SLAMF9: variants seen among roughly 807,000 people sequenced by gnomAD.
SLAMF9 encodes the protein SLAM family member 9.
Under a neutral mutation model 30.4 loss-of-function variants are expected in SLAMF9, and 25 were observed. That is an observed-to-expected ratio of 0.82 (90% CI 0.60 to 1.15). The LOEUF (loss-of-function observed/expected upper bound fraction) is 1.15, where lower values mean the gene tolerates loss of function less well. Ranked by LOEUF, SLAMF9 falls within the 50% of genes most tolerant of loss-of-function variation. The pLI is 0.00. For synonymous variants in SLAMF9, 129 were observed against 127.2 expected (o/e 1.01, Z -0.09); for missense variants, 344 against 346.1 (o/e 0.99, Z 0.05).
chr1:159,964,562 C>T, the SLAMF9 span, among the ~76,000 whole-genome samples: 17 of 152,100 alleles, frequency 1.1e-4, no homozygotes, highest in African/African-American at 3.4e-4. Flanking sequence ...TTAGAATCTA[C>T]GGATCTTGTC....
chr1:159,976,966 GAAA>G, the SLAMF9 span: 15 of 37,528 alleles, frequency 4.0e-4, no homozygotes, highest in Admixed American at 4.7e-3. Flanking sequence ...GAAAGAGAAA[GAAA>G]GAAGGAAAGA....
the SLAMF9 span, among the ~76,000 whole-genome samples, chr1:159,979,929 A>G: frequency 2.6e-5 from 4 of 152,174 alleles, no homozygotes; most frequent in Non-Finnish European, 5.9e-5. Context: ...CTGTACATGA[A>G]GGAACTGGCT....
the SLAMF9 span, among the ~76,000 whole-genome samples, chr1:159,962,409 G>A: frequency 7.9e-5 from 12 of 152,226 alleles, 1 homozygote; most frequent in Non-Finnish European, 8.8e-5. Context: ...TTGGGAGGCC[G>A]AGGTGGGCGG....
At position 159,951,510 on chromosome 1, in the gene SLAMF9, A is replaced by T; in HGVS notation, c.*151T>A. ...TGCAGAGTTGTGGTCACTTAATTTG[A>T]CTTTATTGCCAGCCAGTCTTCCCTC... On this transcript the variant is annotated 3_prime_UTR_variant, in exon 4 of 4. Coordinates refer to ENST00000368093, the MANE Select transcript of SLAMF9 (RefSeq NM_033438.4). 1 of 682,940 alleles carries T rather than the reference A, an allele frequency of 1.5e-6. No individual in the cohort carries two copies. The highest frequency in any genetic ancestry group is 2.4e-6 in the Non-Finnish European group (1 of 409,552). The allele number at this position is 682,940 out of a possible 1,614,324, so 42.3% of individuals were successfully genotyped here.
chr1:159,951,583 G>A lies in SLAMF9; in HGVS notation c.*78C>T, dbSNP rs915299946. ...CCACCCCTGAGCACCTCCTTCCCCTGGAAAGAAGAGAGCTGAGGAAGGATT... is the reference window on the plus strand; with the variant it reads ...CCACCCCTGAGCACCTCCTTCCCCTAGAAAGAAGAGAGCTGAGGAAGGATT... On this transcript the variant is annotated 3_prime_UTR_variant, in exon 4 of 4. Coordinates refer to ENST00000368093, the MANE Select transcript of SLAMF9 (RefSeq NM_033438.4). The A allele has an allele frequency of 3.6e-5, 52 of 1,427,392 alleles. No individual in the cohort carries two copies. The highest frequency in any genetic ancestry group is 4.6e-5 in the Non-Finnish European group (47 of 1,026,102). 88.4% of individuals were successfully genotyped at this position (1,427,392 alleles called of 1,614,324 possible).
chr1:159,951,768 A>G lies in SLAMF9; in HGVS notation c.763T>C (p.Trp255Arg). The G allele has an allele frequency of 6.2e-7, 1 of 1,614,156 alleles. No individual in the cohort carries two copies. The highest frequency in any genetic ancestry group is 1.1e-5 in the South Asian group (1 of 91,084). The change falls in exon 4 of 4, where the codon TGG (tryptophan) becomes CGG (arginine). Residue 255 changes from tryptophan to arginine, a missense_variant. Transcript: ENST00000368093. The stretch of plus-strand genomic sequence containing the variant: ...TGTCTTTTCTGGACTCGGATGACCC[A>G]GAGTCCCATGGCCAGAATTACCAAG... ...LLLVILAMGL[W>R]VIRVQKRHKM...
At chr1:159,965,225 G>A in the SLAMF9 span, among the ~76,000 whole-genome samples, 3 of 152,188 alleles carry the variant, frequency 2.0e-5, no homozygotes, top group Non-Finnish European at 2.9e-5. Flanking sequence ...ACAACAAACA[G>A]ATCTGTACCG....
At chr1:159,970,102 A>G in the SLAMF9 span, among the ~76,000 whole-genome samples, 3 of 152,236 alleles carry the variant, frequency 2.0e-5, no homozygotes, top group Non-Finnish European at 4.4e-5. Flanking sequence ...AATAGTATTT[A>G]TCACCTTTGG....
At chr1:159,973,774 C>T in the SLAMF9 span, 5 of 1,612,580 alleles carry the variant, frequency 3.1e-6, no homozygotes, top group Non-Finnish European at 4.2e-6. Flanking sequence ...TCCTGCCCCA[C>T]AAACTCCCAA....
the SLAMF9 span, among the ~76,000 whole-genome samples, chr1:159,967,719 T>C: frequency 6.6e-6 from 1 of 152,222 alleles, no homozygotes; most frequent in Non-Finnish European, 1.5e-5. Flanking sequence ...AGTATTAACT[T>C]TTCCAATCCA....
In SLAMF9 at chr1:159,953,667, A is replaced by G; in HGVS notation, c.47-14T>C. 1 of 1,576,528 alleles carries G rather than the reference A, an allele frequency of 6.3e-7. No homozygotes were observed. The highest frequency in any genetic ancestry group is 8.6e-7 in the Non-Finnish European group (1 of 1,158,318). ...TCCTTTGGCTGCCTATGCAGGAAGA[A>G]AAGAGAAGCAAACAACCCAGCTGCT... On this transcript the variant is annotated splice_polypyrimidine_tract_variant and intron_variant, in intron 1 of 3. Coordinates refer to ENST00000368093, the MANE Select transcript of SLAMF9 (RefSeq NM_033438.4).
chr1:159,966,191 T>A, the SLAMF9 span, among the ~76,000 whole-genome samples: 85 of 152,330 alleles, frequency 5.6e-4, 1 homozygote, highest in Middle Eastern at 0.014. Flanking sequence ...CACATCTAAA[T>A]AAGATCATGC....
the SLAMF9 span, among the ~76,000 whole-genome samples, chr1:159,978,161 G>A: frequency 6.6e-6 from 1 of 152,048 alleles, no homozygotes; most frequent in Non-Finnish European, 1.5e-5. Flanking sequence ...CACAGAGTGA[G>A]CCCATGTCAT....
the SLAMF9 span, among the ~76,000 whole-genome samples, chr1:159,962,871 C>T: frequency 1.3e-5 from 2 of 152,292 alleles, no homozygotes; most frequent in Admixed American, 6.5e-5. Context: ...CCCCCTTTCA[C>T]TCTCAGAAAG....
At chr1:159,962,042 C>T in the SLAMF9 span, among the ~76,000 whole-genome samples, 1 of 152,010 alleles carries the variant, frequency 6.6e-6, no homozygotes, top group Non-Finnish European at 1.5e-5. Flanking sequence ...CCTATAATGC[C>T]AGGTACCTGG....
the SLAMF9 span, chr1:159,976,948 G>GAAA: frequency 1.8e-4 from 1 of 5,442 alleles, no homozygotes; most frequent in Admixed American, 3.3e-3. Flanking sequence ...AAGAAAGAAA[G>GAAA]AAAGAAAGAA....
the SLAMF9 span, chr1:159,973,120 G>A: frequency 6.5e-7 from 1 of 1,531,460 alleles, no homozygotes; most frequent in South Asian, 1.2e-5. Flanking sequence ...TCTGGGTGGG[G>A]GCCCCTGTCC....
the SLAMF9 span, among the ~76,000 whole-genome samples, chr1:159,970,626 A>G: frequency 6.6e-6 from 1 of 152,080 alleles, no homozygotes; most frequent in African/African-American, 2.4e-5. Context: ...TTATTTTCCT[A>G]CCCTACTTTC....
At chr1:159,970,443 G>A in the SLAMF9 span, among the ~76,000 whole-genome samples, 3 of 152,228 alleles carry the variant, frequency 2.0e-5, no homozygotes, top group African/African-American at 7.2e-5. Flanking sequence ...ATGCCTCCCA[G>A]TGGTAGGAAC....
Sources: gnomAD v4.1 joint callset for allele counts (sites outside exome capture counted in the v4.1 genomes callset) on GRCh38, gnomAD v4.1.1 for gene constraint, MANE v1.5 for transcripts, NCBI Gene and HGNC (gene_info 2026-07-23, HGNC 2026-07-21) for gene names.